BACH2: variants seen among roughly 807,000 people sequenced by gnomAD.
BACH2 encodes BACH transcriptional regulator 2.
Under a neutral mutation model 61.8 loss-of-function variants are expected in BACH2, and 5 were observed. The ratio of observed to expected loss-of-function variants is 0.08; its 90% CI spans 0.04 to 0.17. BACH2 has a LOEUF of 0.17. Among genes scored for constraint, BACH2 ranks in the 10% least tolerant of loss-of-function variants. BACH2 has a pLI of 1.00. For synonymous variants in BACH2, 446 were observed against 440.1 expected (o/e 1.01, Z -0.17); for missense variants, 824 against 1,091.1 (o/e 0.76, Z 3.45).
intron 3 of BACH2, among the ~76,000 whole-genome samples, chr6:90,224,156 G>T (rs1242015196): frequency 6.6e-6 from 1 of 152,146 alleles, no homozygotes. Flanking sequence ...TAATCTAAAA[G>T]CTTGGAGAAA....
intron 8 of BACH2, among the ~76,000 whole-genome samples, chr6:89,935,286 T>C (rs965492828): frequency 1.4e-4 from 21 of 152,160 alleles, no homozygotes; most frequent in Non-Finnish European, 1.9e-4. Context: ...AAAAAACTTA[T>C]ATGGGTGGCT....
intron 6 of BACH2, among the ~76,000 whole-genome samples, chr6:89,964,074 G>A (rs1469419989): frequency 5.9e-5 from 9 of 152,252 alleles, no homozygotes; most frequent in Non-Finnish European, 7.4e-5. Context: ...GAGGAGTGGG[G>A]AGGGATAGCA....
chr6:90,245,692 C>G (rs1770610810), intron 3 of BACH2, among the ~76,000 whole-genome samples: 1 of 152,226 alleles, frequency 6.6e-6, no homozygotes, highest in Non-Finnish European at 1.5e-5. Flanking sequence ...TTAGTTAGCT[C>G]TGTTCCTGCT....
At chr6:90,037,547 T>C (rs1779321180) in intron 5 of BACH2, among the ~76,000 whole-genome samples, 1 of 152,214 alleles carries the variant, frequency 6.6e-6, no homozygotes, top group South Asian at 2.1e-4. Context: ...GGAAACAGCA[T>C]TGGATTACCT....
intron 5 of BACH2, among the ~76,000 whole-genome samples, chr6:90,048,849 G>GT (rs976534254): frequency 3.9e-5 from 6 of 152,176 alleles, no homozygotes; most frequent in Non-Finnish European, 7.3e-5. Context: ...GCTGAAGGAT[G>GT]TAAGTTAAAT....
rs1773364380 is a variant in BACH2 at position 89,940,596 on chromosome 6, C to T, written c.1837-2246G>A. On this transcript the variant is annotated intron_variant, in intron 7 of 8. Transcript: ENST00000257749. ...GTGGGTTAGCTCAGATTGCTTCATT[C>T]TTGTTTACATTCACGTCTGCTCCGG... Among the ~76,000 whole-genome samples, 3 of 152,190 alleles carry T rather than the reference C, an allele frequency of 2.0e-5. No individual in the cohort carries two copies. In the South Asian group the frequency reaches 6.2e-4, roughly 32 times the overall value.
intron 8 of BACH2, 35 bp from the exon 9 acceptor site, chr6:89,932,925 A>G: frequency 6.5e-7 from 1 of 1,527,584 alleles, no homozygotes; most frequent in Non-Finnish European, 8.8e-7. Context: ...AGGGTTGATC[A>G]AGCCTGAACT....
At chr6:90,295,775 A>C (rs1772338455) in intron 1 of BACH2, among the ~76,000 whole-genome samples, 1 of 151,674 alleles carries the variant, frequency 6.6e-6, no homozygotes, top group Non-Finnish European at 1.5e-5. Flanking sequence ...GCTACGCGGG[A>C]CGCTTTCCGA....
intron 3 of BACH2, among the ~76,000 whole-genome samples, chr6:90,246,940 T>G (rs1390413961): frequency 2.0e-5 from 3 of 152,152 alleles, no homozygotes; most frequent in Admixed American, 1.3e-4. Flanking sequence ...CTATGAAAAT[T>G]TTCTTAAAAT....
chr6:90,125,845 T>C (rs1353813767), intron 4 of BACH2, among the ~76,000 whole-genome samples: 2 of 152,174 alleles, frequency 1.3e-5, no homozygotes, highest in African/African-American at 4.8e-5. Context: ...TTTCAACCCA[T>C]AAGACAACGC....
Position 89,938,126 on chromosome 6 carries a change from A to G in BACH2, c.2043+18T>C. 3 of 1,608,846 alleles carry G rather than the reference A, an allele frequency of 1.9e-6. No individual in the cohort carries two copies. Among genetic ancestry groups the G allele is most frequent in the Non-Finnish European group, 2.6e-6 (3 of 1,175,352 alleles). ...TGGTCACTTCAGGTTGCTGATCACA[A>G]TGGATGGGTCAACTCACCAATTTGC... On this transcript the variant is annotated intron_variant, in intron 8 of 8. Coordinates refer to ENST00000257749, the MANE Select transcript of BACH2 (RefSeq NM_021813.4).
At chr6:90,222,912 C>T (rs529180821) in intron 3 of BACH2, among the ~76,000 whole-genome samples, 1 of 152,168 alleles carries the variant, frequency 6.6e-6, no homozygotes, top group East Asian at 1.9e-4. Context: ...ACAGTCCTTC[C>T]TGCCGAAACT....
chr6:90,129,208 T>TA (rs1425629629), intron 4 of BACH2, among the ~76,000 whole-genome samples: 1 of 152,136 alleles, frequency 6.6e-6, no homozygotes, highest in Non-Finnish European at 1.5e-5. Context: ...CCCTAAAACT[T>TA]AAAGTATAAT....
intron 1 of BACH2, among the ~76,000 whole-genome samples, chr6:90,288,825 T>C (rs998156108): frequency 1.3e-5 from 2 of 152,200 alleles, no homozygotes; most frequent in African/African-American, 2.4e-5. Flanking sequence ...CTTACAGGTA[T>C]AGTTTTTTAC....
intron 5 of BACH2, among the ~76,000 whole-genome samples, chr6:90,065,357 A>G (rs1481159277): frequency 2.1e-5 from 3 of 142,814 alleles, no homozygotes; most frequent in East Asian, 4.2e-4. Flanking sequence ...ATGAGAGAAC[A>G]TGTGGAACAG....
At chr6:90,248,684 C>A (rs927118273) in intron 3 of BACH2, among the ~76,000 whole-genome samples, 1 of 152,134 alleles carries the variant, frequency 6.6e-6, no homozygotes, top group African/African-American at 2.4e-5. Flanking sequence ...GCCTGGTGCA[C>A]CTGGTCACAG....
chr6:90,011,467 G>A (rs1227976506), intron 5 of BACH2, among the ~76,000 whole-genome samples: 3 of 151,956 alleles, frequency 2.0e-5, no homozygotes, highest in African/African-American at 7.3e-5. Flanking sequence ...CTGAAAATCA[G>A]TTGTTTTTAC....
intron 4 of BACH2, among the ~76,000 whole-genome samples, chr6:90,142,902 TAG>T (rs1047086770): frequency 6.6e-6 from 1 of 152,192 alleles, no homozygotes; most frequent in African/African-American, 2.4e-5. Context: ...TGGACATGAT[TAG>T]AGGCAGGCTA....
chr6:90,260,433 T>C (rs1044480032), intron 2 of BACH2, among the ~76,000 whole-genome samples: 2 of 152,222 alleles, frequency 1.3e-5, no homozygotes, highest in Non-Finnish European at 2.9e-5. Flanking sequence ...ATACTAGACA[T>C]AATTTCAATC....
Sources: allele counts gnomAD v4.1 joint callset (sites outside exome capture counted in the v4.1 genomes callset), GRCh38; gene constraint gnomAD v4.1.1; transcripts MANE v1.5; gene names NCBI Gene and HGNC (gene_info 2026-07-23, HGNC 2026-07-21).